Variants in KCNIP1 observed in about 807,000 individuals in gnomAD.
KCNIP1 encodes the protein A-type potassium channel modulatory protein KCNIP1.
KCNIP1 carries 18 observed loss-of-function variants against 33.0 expected under a neutral mutation model. That is an observed-to-expected ratio of 0.55 (90% CI 0.38 to 0.81). The LOEUF is 0.81. Among genes scored for constraint, KCNIP1 ranks in the 30% least tolerant of loss-of-function variants. KCNIP1 has a pLI of 0.00. For missense variants in KCNIP1, 238 were observed against 271.6 expected (o/e 0.88, Z 0.87); for synonymous variants, 93 against 98.3 (o/e 0.95, Z 0.32).
chr5:170,485,272 T>C (rs1426795202), intron 1 of KCNIP1, among the ~76,000 whole-genome samples: 1 of 152,162 alleles, frequency 6.6e-6, no homozygotes, highest in Non-Finnish European at 1.5e-5. Context: ...TACACAACCC[T>C]GGCCTGGCCT....
intron 1 of KCNIP1, among the ~76,000 whole-genome samples, chr5:170,604,483 C>T (rs571437131): frequency 6.6e-6 from 1 of 152,258 alleles, no homozygotes; most frequent in East Asian, 1.9e-4. Flanking sequence ...ATCCTTGGCC[C>T]CATCTCATTG....
chr5:170,643,769 G>A (rs1760674060), intron 1 of KCNIP1, among the ~76,000 whole-genome samples: 1 of 152,230 alleles, frequency 6.6e-6, no homozygotes, highest in African/African-American at 2.4e-5. Flanking sequence ...CAGGGGATCT[G>A]CAGGCAGCCA....
At chr5:170,544,621 T>C (rs1290825935) in intron 1 of KCNIP1, among the ~76,000 whole-genome samples, 1 of 152,168 alleles carries the variant, frequency 6.6e-6, no homozygotes, top group East Asian at 1.9e-4. Flanking sequence ...TCTTCCTTTA[T>C]TTCTTCATTC....
chr5:170,501,721 T>C (rs932756340), upstream of KCNIP1, among the ~76,000 whole-genome samples: 6 of 152,342 alleles, frequency 3.9e-5, no homozygotes, highest in African/African-American at 1.4e-4. Context: ...AGCTTGGTGC[T>C]CACCCAGTGG....
At chr5:170,550,578 G>A in intron 1 of KCNIP1, among the ~76,000 whole-genome samples, 2 of 151,676 alleles carry the variant, frequency 1.3e-5, no homozygotes, top group Admixed American at 6.6e-5. Context: ...TGATGATGGT[G>A]ATGATGATGG....
chr5:170,680,263 C>T (rs1237004693), intron 1 of KCNIP1, among the ~76,000 whole-genome samples: 2 of 152,158 alleles, frequency 1.3e-5, no homozygotes, highest in Non-Finnish European at 2.9e-5. Context: ...GCACCTTTCC[C>T]CACCAGGCTC....
chr5:170,412,357 C>T (rs938705270), intron 1 of KCNIP1, among the ~76,000 whole-genome samples: 6 of 152,066 alleles, frequency 3.9e-5, no homozygotes, highest in African/African-American at 1.4e-4. Flanking sequence ...AATGTGAGTC[C>T]AACATGTTAG....
chr5:170,524,854 G>T (rs1296937612), intron 1 of KCNIP1, among the ~76,000 whole-genome samples: 1 of 152,158 alleles, frequency 6.6e-6, no homozygotes, highest in East Asian at 1.9e-4. Context: ...GCTCCCTCTG[G>T]GTGGTCAAGT....
intron 1 of KCNIP1, among the ~76,000 whole-genome samples, chr5:170,710,764 G>T (rs1160588000): frequency 6.6e-6 from 1 of 152,180 alleles, no homozygotes; most frequent in Non-Finnish European, 1.5e-5. Context: ...GGGATCTTCA[G>T]CTTCTATGCC....
chr5:170,391,113 T>C (rs314129), intron 1 of KCNIP1, among the ~76,000 whole-genome samples: 55,115 of 151,936 alleles, frequency 0.36, 10,310 homozygotes, highest in South Asian at 0.49. Flanking sequence ...GGATGTAGGA[T>C]CTGGAATTCA....
chr5:170,505,949 A>G (rs1754699850), intron 1 of KCNIP1, among the ~76,000 whole-genome samples: 1 of 152,190 alleles, frequency 6.6e-6, no homozygotes, highest in African/African-American at 2.4e-5. Context: ...ACCAGTCCTG[A>G]CCAGAACAGG....
At chr5:170,538,952 A>G (rs1470602103) in intron 1 of KCNIP1, among the ~76,000 whole-genome samples, 2 of 151,914 alleles carry the variant, frequency 1.3e-5, no homozygotes, top group Non-Finnish European at 2.9e-5. Context: ...AACTGCTGCT[A>G]GCCCCAGGGC....
intron 1 of KCNIP1, among the ~76,000 whole-genome samples, chr5:170,553,640 G>A (rs900862750): frequency 6.6e-6 from 1 of 152,162 alleles, no homozygotes; most frequent in Non-Finnish European, 1.5e-5. Flanking sequence ...GTCATCCTGG[G>A]GTCTGCGACG....
intron 1 of KCNIP1, among the ~76,000 whole-genome samples, chr5:170,541,473 G>C (rs1424517670): frequency 4.6e-5 from 7 of 152,214 alleles, no homozygotes; most frequent in Admixed American, 4.6e-4. Context: ...ATCTTTCTCA[G>C]CTGAATGAAT....
At chr5:170,430,340 G>A (rs551303232) in intron 1 of KCNIP1, among the ~76,000 whole-genome samples, 1 of 152,266 alleles carries the variant, frequency 6.6e-6, no homozygotes, top group South Asian at 2.1e-4. Context: ...GGTTCTTCTT[G>A]TAACACTGTC....
chr5:170,605,160 C>T (rs1758856435), intron 1 of KCNIP1, among the ~76,000 whole-genome samples: 1 of 152,108 alleles, frequency 6.6e-6, no homozygotes, highest in Non-Finnish European at 1.5e-5. Context: ...GGATGAGAAT[C>T]TGCCATGCCC....
intron 1 of KCNIP1, among the ~76,000 whole-genome samples, chr5:170,451,176 C>T (rs1176225610): frequency 1.3e-5 from 2 of 152,178 alleles, no homozygotes; most frequent in Non-Finnish European, 2.9e-5. Flanking sequence ...ACTTCGTAGT[C>T]ATGTCTAAAC....
intron 1 of KCNIP1, among the ~76,000 whole-genome samples, chr5:170,632,556 C>T (rs144665597): frequency 3.9e-5 from 6 of 152,360 alleles, no homozygotes; most frequent in African/African-American, 1.4e-4. Context: ...GGGCAAGCAC[C>T]ACAACCTCTC....
At chr5:170,474,632 T>C (rs1310187352) in intron 1 of KCNIP1, among the ~76,000 whole-genome samples, 3 of 152,166 alleles carry the variant, frequency 2.0e-5, no homozygotes, top group Admixed American at 2.0e-4. Flanking sequence ...CTAGCTTCAG[T>C]GGTATTACTT....
Sources: allele counts gnomAD v4.1 joint callset (sites outside exome capture counted in the v4.1 genomes callset), GRCh38; gene constraint gnomAD v4.1.1; transcripts MANE v1.5; gene names NCBI Gene and HGNC (gene_info 2026-07-23, HGNC 2026-07-21).